Variants in RHOQ observed in about 807,000 individuals in gnomAD.
The protein encoded by RHOQ is rho-related GTP-binding protein RhoQ.
A neutral mutation model predicts 25.8 loss-of-function variants in RHOQ; 7 were observed. The ratio of observed to expected loss-of-function variants is 0.27; its 90% confidence interval spans 0.15 to 0.51. The LOEUF (loss-of-function observed/expected upper bound fraction) is 0.51, where lower values mean the gene tolerates loss of function less well. Among genes scored for constraint, RHOQ ranks in the 20% least tolerant of loss-of-function variants. RHOQ has a pLI of 0.97. For missense variants in RHOQ, 165 were observed against 260.6 expected, an observed-to-expected ratio of 0.63 and a Z score of 2.53; for synonymous variants, 97 against 98.6, an observed-to-expected ratio of 0.98 and a Z score of 0.10.
Position 46,555,223 on chromosome 2 carries a change from G to A in RHOQ, c.201+11411G>A, listed in dbSNP as rs550057183. ...CACCTCTGACTCCGGCCCTCTAGTG[G>A]TCGAGTCCCTCCTTAGAATTTCCAC... On this transcript the variant is annotated intron_variant, in intron 2 of 4. Coordinates refer to ENST00000238738, the MANE Select transcript of RHOQ (RefSeq NM_012249.4). The surrounding 1 kb of genome is among the most constrained non-coding windows in gnomAD (Gnocchi z 4.3). 9.6e-4 allele frequency among the ~76,000 whole-genome samples: 147 copies of A among 152,360 alleles called. No individual in the cohort carries two copies. Among genetic ancestry groups the A allele is most frequent in the African/African-American group, 3.4e-3 (141 of 41,584 alleles).
rs183484242 is a variant in RHOQ at position 46,551,587 on chromosome 2, C to G, written c.201+7775C>G. Among the ~76,000 whole-genome samples, 5 of 152,258 alleles carry G rather than the reference C, an allele frequency of 3.3e-5. No homozygotes were observed. In the East Asian group the frequency reaches 9.6e-4, roughly 29 times the overall value. ...GAGTTTTTCACCTGGTGACTGACAA[C>G]TTGGTAATTAAAGAGATATTAATCT... On this transcript the variant is annotated intron_variant, in intron 2 of 4. Transcript: ENST00000238738.
At chr2:46,577,396 C>CTTTT (rs745605616) in intron 4 of RHOQ, among the ~76,000 whole-genome samples, 54 of 110,152 alleles carry the variant, frequency 4.9e-4, no homozygotes, top group African/African-American at 1.3e-3. Context: ...CATATATGGT[C>CTTTT]TTTTTTTTTT....
rs1018022035 is a variant in RHOQ, at chr2:46,582,571, C to A, written c.*1488C>A. 1 of 152,406 alleles carries A rather than the reference C, an allele frequency of 6.6e-6. No individual in the cohort carries two copies. The highest frequency in any genetic ancestry group is 2.4e-5 in the African/African-American group (1 of 41,428). The allele number at this position is 152,406 out of a possible 1,614,324, so 9.4% of individuals were successfully genotyped here. A position where few individuals can be genotyped will look rare whatever the true frequency, so the allele number is the denominator to read the frequency against. Reference sequence around the variant, plus strand: ...CTAATGCATTTTAGAGAAACAATCTCATCACATTTTTTCTAGCCTTTCCTA... The same window carrying A: ...CTAATGCATTTTAGAGAAACAATCTAATCACATTTTTTCTAGCCTTTCCTA... On this transcript the variant is annotated 3_prime_UTR_variant, in exon 5 of 5. Transcript: ENST00000238738.
chr2:46,551,436 A>G (rs965680359), intron 2 of RHOQ, among the ~76,000 whole-genome samples: 2 of 152,168 alleles, frequency 1.3e-5, no homozygotes, highest in Non-Finnish European at 2.9e-5. Context: ...GAGAGCTCAT[A>G]TTCTGAGTGG....
Position 46,581,522 on chromosome 2 carries a change from A to G in RHOQ, c.*439A>G. ...AGTTGCTTTCTATTCCAGTATATCC[A>G]GAGTGGTGAAATAACAAGGCCAGCC... is the stretch of plus-strand genomic sequence containing the variant. On this transcript the variant is annotated 3_prime_UTR_variant, in exon 5 of 5. Coordinates refer to ENST00000238738, the MANE Select transcript of RHOQ (RefSeq NM_012249.4). The G allele has an allele frequency of 1.2e-6, 2 of 1,611,654 alleles. No individual in the cohort carries two copies. The highest frequency in any genetic ancestry group is 1.7e-6 in the Non-Finnish European group (2 of 1,179,604).
intron 2 of RHOQ, among the ~76,000 whole-genome samples, chr2:46,550,336 A>G (rs773721469): frequency 2.6e-5 from 4 of 152,246 alleles, no homozygotes; most frequent in Non-Finnish European, 5.9e-5. Context: ...AAATAATAGC[A>G]TCAGCACAAC....
In RHOQ at chr2:46,576,020, T is replaced by C; in HGVS notation, c.202-67T>C. Reference sequence around the variant, plus strand: ...AATTTGCATCTTTGACCATGTAATCTAATGTACATATTACTAGTAAACAAT... The same window carrying C: ...AATTTGCATCTTTGACCATGTAATCCAATGTACATATTACTAGTAAACAAT... On this transcript the variant is annotated intron_variant, in intron 2 of 4. Coordinates refer to ENST00000238738, the MANE Select transcript of RHOQ (RefSeq NM_012249.4). The surrounding 1 kb of genome is among the most constrained non-coding windows in gnomAD (Gnocchi z 5.1). 7.3e-7 allele frequency: 1 copy of C among 1,372,408 alleles called. No homozygotes were observed. Among genetic ancestry groups the C allele is most frequent in the Non-Finnish European group, 9.8e-7 (1 of 1,016,868 alleles). 85.0% of individuals were successfully genotyped at this position (1,372,408 alleles called of 1,614,324 possible).
At chr2:46,562,655 C>T (rs571129181) in intron 2 of RHOQ, among the ~76,000 whole-genome samples, 155 of 152,270 alleles carry the variant, frequency 1.0e-3, no homozygotes, top group Non-Finnish European at 1.8e-3. Context: ...CAAAGTGGGC[C>T]GAGAGGACTC....
rs372616318 is a variant in RHOQ at position 46,574,759 on chromosome 2, A to G, written c.202-1328A>G. ...CCAGTCAAGGGTTTGGGACATTAAC[A>G]TGCTTTAGTTGAAAGTTATATTATG... is the stretch of plus-strand genomic sequence containing the variant. On this transcript the variant is annotated intron_variant, in intron 2 of 4. Transcript: ENST00000238738. Among the ~76,000 whole-genome samples, 5 of 152,236 alleles carry G rather than the reference A, an allele frequency of 3.3e-5. No homozygotes were observed. In the East Asian group the frequency reaches 7.7e-4, roughly 23 times the overall value.
At chr2:46,557,606 C>G (rs1484352335) in intron 2 of RHOQ, among the ~76,000 whole-genome samples, 1 of 151,926 alleles carries the variant, frequency 6.6e-6, no homozygotes, top group East Asian at 1.9e-4. Context: ...CTTCTTTATA[C>G]TTTATTGTGT....
chr2:46,559,188 G>T (rs745908471), intron 2 of RHOQ, among the ~76,000 whole-genome samples: 12 of 152,030 alleles, frequency 7.9e-5, no homozygotes, highest in Non-Finnish European at 1.8e-4. Flanking sequence ...TAGAGAGGAA[G>T]TTTTGCCATG....
At chr2:46,549,937 T>A (rs1668189633) in intron 2 of RHOQ, among the ~76,000 whole-genome samples, 1 of 152,208 alleles carries the variant, frequency 6.6e-6, no homozygotes, top group South Asian at 2.1e-4. Context: ...TTAAGGGGAT[T>A]CATGGCCAGG....
intron 2 of RHOQ, among the ~76,000 whole-genome samples, chr2:46,553,542 T>A (rs901560118): frequency 3.3e-5 from 5 of 152,134 alleles, no homozygotes; most frequent in African/African-American, 1.2e-4. Flanking sequence ...TTGACTATAG[T>A]CACCCTGTTG....
rs1428810329 is a variant in RHOQ at position 46,548,932 on chromosome 2, C to T, written c.201+5120C>T. Among the ~76,000 whole-genome samples, 3 of 152,290 alleles carry T rather than the reference C, an allele frequency of 2.0e-5. 1 individual carries two copies. In the South Asian group the frequency reaches 6.2e-4, roughly 32 times the overall value. On this transcript the variant is annotated intron_variant, in intron 2 of 4. Transcript: ENST00000238738. The surrounding 1 kb of genome is among the most constrained non-coding windows in gnomAD (Gnocchi z 5.2). ...TCCAAAGTCTGAATGCCCTGTGTTC[C>T]CCTCCTTGGGACTCTGATGTGGGTT...
chr2:46,557,822 A>G (rs1668450939), intron 2 of RHOQ, among the ~76,000 whole-genome samples: 1 of 152,234 alleles, frequency 6.6e-6, no homozygotes, highest in African/African-American at 2.4e-5. Context: ...TGTTGAATTC[A>G]CATGATGACT....
At chr2:46,579,919 A>G (rs1669287802) in intron 4 of RHOQ, 1 of 152,040 alleles carries the variant, frequency 6.6e-6, no homozygotes, top group Admixed American at 6.6e-5. Flanking sequence ...CTTCGGCACA[A>G]CATACCTTCA....
rs956830925 is a variant in RHOQ at position 46,543,355 on chromosome 2, C to G, written c.142+167C>G. The G allele has an allele frequency of 5.2e-5, 36 of 689,648 alleles. No homozygotes were observed. In the African/African-American group the frequency reaches 5.9e-4, roughly 11 times the overall value. The allele number at this position is 689,648 out of a possible 1,614,324, so 42.7% of individuals were successfully genotyped here. ...ACCCCCGAAGCTTCGCTCCTGGCAACCCCTCGCCCGCTGATCCACCCCCTC... is the reference window on the plus strand; with the variant it reads ...ACCCCCGAAGCTTCGCTCCTGGCAAGCCCTCGCCCGCTGATCCACCCCCTC... On this transcript the variant is annotated intron_variant, in intron 1 of 4. Transcript: ENST00000238738.
At chr2:46,560,493 T>A (rs1438379749) in intron 2 of RHOQ, 1 of 446,778 alleles carries the variant, frequency 2.2e-6, no homozygotes, top group Non-Finnish European at 4.6e-6. Context: ...AGGCTCCTGA[T>A]GAATTAATAA....
intron 1 of RHOQ, chr2:46,543,458 C>G: frequency 1.7e-6 from 1 of 599,422 alleles, no homozygotes; most frequent in Non-Finnish European, 3.0e-6. Flanking sequence ...CCTTGACCTT[C>G]CCACATCCCC....
Sources: gnomAD v4.1 joint callset for allele counts (sites outside exome capture counted in the v4.1 genomes callset) on GRCh38, gnomAD v4.1.1 for gene constraint, Gnocchi (gnomAD v3.1) non-coding constraint, MANE v1.5 for transcripts, NCBI Gene and HGNC (gene_info 2026-07-23, HGNC 2026-07-21) for gene names.